Variants in TRAPPC9 observed in about 807,000 individuals in gnomAD.
The protein encoded by TRAPPC9 is IKK2 binding protein.
TRAPPC9 carries 83 observed loss-of-function variants against 124.0 expected under a neutral mutation model. The observed-to-expected ratio is 0.67, with a 90% CI of 0.56 to 0.80. The LOEUF (loss-of-function observed/expected upper bound fraction) is 0.80, where lower values mean the gene tolerates loss of function less well. Ranked by LOEUF, TRAPPC9 falls within the 30% of genes least tolerant of loss-of-function variation. The pLI, the probability that TRAPPC9 is intolerant of heterozygous loss-of-function variation, is 0.00. For missense variants in TRAPPC9, 1,302 were observed against 1,508.3 expected, an observed-to-expected ratio of 0.86 and a Z score of 2.27; for synonymous variants, 638 against 617.5, an observed-to-expected ratio of 1.03 and a Z score of -0.49.
intron 17 of TRAPPC9, among the ~76,000 whole-genome samples, chr8:140,105,543 T>G (rs917831170): frequency 6.6e-6 from 1 of 152,168 alleles, no homozygotes; most frequent in African/African-American, 2.4e-5. Flanking sequence ...TAAACCCTCC[T>G]GACGTGCCCT....
At chr8:139,989,231 G>T (rs1047425833) in intron 18 of TRAPPC9, among the ~76,000 whole-genome samples, 6 of 152,210 alleles carry the variant, frequency 3.9e-5, no homozygotes, top group African/African-American at 1.2e-4. Context: ...GCCATTCAAG[G>T]ATGCTGTGTC....
At chr8:140,279,115 G>A (rs1411275676) in intron 14 of TRAPPC9, among the ~76,000 whole-genome samples, 3 of 152,198 alleles carry the variant, frequency 2.0e-5, no homozygotes, top group African/African-American at 7.2e-5. Context: ...GTAAGGCCCA[G>A]TTTAATACCA....
At chr8:139,833,455 T>A (rs371039048) in intron 21 of TRAPPC9, among the ~76,000 whole-genome samples, 6 of 152,220 alleles carry the variant, frequency 3.9e-5, no homozygotes, top group African/African-American at 1.4e-4. Flanking sequence ...ATGACCCAGC[T>A]TCTTCTGCTC....
chr8:139,800,847 T>C (rs1823456537), intron 21 of TRAPPC9, among the ~76,000 whole-genome samples: 1 of 137,796 alleles, frequency 7.3e-6, no homozygotes, highest in Non-Finnish European at 1.5e-5. Flanking sequence ...CCGGTACCTG[T>C]ACCTTCCCTC....
chr8:140,416,263 C>T (rs571581513), intron 5 of TRAPPC9, among the ~76,000 whole-genome samples: 2 of 152,122 alleles, frequency 1.3e-5, no homozygotes, highest in Non-Finnish European at 2.9e-5. Context: ...CAATTATACA[C>T]CAATGAATTA....
intron 21 of TRAPPC9, among the ~76,000 whole-genome samples, chr8:139,791,248 C>T (rs911499390): frequency 1.3e-5 from 2 of 152,178 alleles, no homozygotes; most frequent in African/African-American, 4.8e-5. Context: ...CACTCGCACT[C>T]TAACACGCAG....
At chr8:140,286,801 T>A (rs530092561) in intron 13 of TRAPPC9, among the ~76,000 whole-genome samples, 5 of 152,082 alleles carry the variant, frequency 3.3e-5, no homozygotes, top group Admixed American at 6.5e-5. Flanking sequence ...CTGGAAATCA[T>A]CTGCACATTG....
At chr8:140,044,974 T>C (rs1486014913) in intron 17 of TRAPPC9, among the ~76,000 whole-genome samples, 2 of 152,170 alleles carry the variant, frequency 1.3e-5, no homozygotes, top group African/African-American at 2.4e-5. Context: ...GAAGAGTCAA[T>C]AAGTTATTAC....
chr8:140,117,651 G>C (rs138418324), intron 17 of TRAPPC9, among the ~76,000 whole-genome samples: 1 of 152,126 alleles, frequency 6.6e-6, no homozygotes. Context: ...AAATCTCAAC[G>C]TGAGTTTTGG....
rs185028028 is a variant in TRAPPC9 at position 139,933,098 on chromosome 8, T to C, written c.2811-22798A>G. 3.3e-3 allele frequency: 514 copies of C among 155,150 alleles called. 2 individuals carry two copies. The highest frequency in any genetic ancestry group is 0.011 in the African/African-American group (462 of 41,556). The allele number at this position is 155,150 out of a possible 1,614,324, so 9.6% of individuals were successfully genotyped here. On this transcript the variant is annotated intron_variant, in intron 19 of 22. Transcript: ENST00000438773. ...CCCCTCCGCTGTCTACCCATGGACTTCCTCAGTGTTTGTTTTTTGCATGAT... is the reference window on the plus strand; with the variant it reads ...CCCCTCCGCTGTCTACCCATGGACTCCCTCAGTGTTTGTTTTTTGCATGAT...
chr8:139,853,721 TG>T, intron 21 of TRAPPC9, among the ~76,000 whole-genome samples: 1 of 152,032 alleles, frequency 6.6e-6, no homozygotes, highest in Non-Finnish European at 1.5e-5. Context: ...AGGGGCAGGC[TG>T]GGGGCAGTGG....
chr8:140,275,348 G>A (rs565484422), intron 15 of TRAPPC9, among the ~76,000 whole-genome samples: 1 of 152,280 alleles, frequency 6.6e-6, no homozygotes, highest in South Asian at 2.1e-4. Context: ...AAATAGTTCT[G>A]CTGAGTAGCT....
At chr8:139,836,460 T>C (rs773239704) in intron 21 of TRAPPC9, among the ~76,000 whole-genome samples, 3 of 152,088 alleles carry the variant, frequency 2.0e-5, no homozygotes, top group Non-Finnish European at 2.9e-5. Flanking sequence ...TGGGGGGACC[T>C]GGAGGAGAAA....
intron 7 of TRAPPC9, among the ~76,000 whole-genome samples, chr8:140,380,654 C>CA (rs563391017): frequency 0.021 from 997 of 48,330 alleles, 34 homozygotes; most frequent in East Asian, 0.025. Context: ...GACTCTGTCT[C>CA]AAAAAAAAAA....
intron 17 of TRAPPC9, among the ~76,000 whole-genome samples, chr8:140,121,427 G>A (rs1178220382): frequency 6.6e-6 from 1 of 152,212 alleles, no homozygotes; most frequent in African/African-American, 2.4e-5. Flanking sequence ...GAGCCATGGG[G>A]AAATCACAGT....
chr8:140,273,538 G>A (rs1394355403), intron 15 of TRAPPC9, among the ~76,000 whole-genome samples: 2 of 152,220 alleles, frequency 1.3e-5, no homozygotes, highest in African/African-American at 4.8e-5. Flanking sequence ...CACAGGTTGT[G>A]TGATCAGTGA....
At chr8:139,938,610 A>G (rs888179821) in intron 19 of TRAPPC9, among the ~76,000 whole-genome samples, 17 of 150,934 alleles carry the variant, frequency 1.1e-4, no homozygotes, top group African/African-American at 3.9e-4. Flanking sequence ...TAAATGTGCA[A>G]TTCCTTGAGA....
Position 140,013,419 on chromosome 8 carries a change from G to A in TRAPPC9, c.2699+10518C>T, listed in dbSNP as rs149676718. Reference sequence around the variant, plus strand: ...ACTGTAGGTCCTCCGGCTGGTCAACGCAAATCTAGTTGTTCTGTCTCCAAA... The same window carrying A: ...ACTGTAGGTCCTCCGGCTGGTCAACACAAATCTAGTTGTTCTGTCTCCAAA... On this transcript the variant is annotated intron_variant, in intron 18 of 22. Coordinates refer to ENST00000438773, the MANE Select transcript of TRAPPC9 (RefSeq NM_001160372.4). Among the ~76,000 whole-genome samples, 898 of 152,298 alleles carry A rather than the reference G, an allele frequency of 5.9e-3. 10 individuals carry two copies. The highest frequency in any genetic ancestry group is 0.019 in the African/African-American group (797 of 41,552).
intron 19 of TRAPPC9, among the ~76,000 whole-genome samples, chr8:139,986,043 G>T (rs1285961660): frequency 6.6e-6 from 1 of 152,134 alleles, no homozygotes; most frequent in African/African-American, 2.4e-5. Context: ...AGGAGTCCAA[G>T]ACCAGCCTGA....
Sources: allele counts gnomAD v4.1 joint callset (sites outside exome capture counted in the v4.1 genomes callset), GRCh38; gene constraint gnomAD v4.1.1; transcripts MANE v1.5; gene names NCBI Gene and HGNC (gene_info 2026-07-23, HGNC 2026-07-21).